The following ZFHX3 variants were observed in gnomAD, a reference collection of about 807,000 sequenced individuals.
The protein encoded by ZFHX3 is zinc finger homeobox protein 3.
ZFHX3 carries 42 observed loss-of-function variants against 279.1 expected under a neutral mutation model. That is an observed-to-expected ratio of 0.15 (90% confidence interval 0.12 to 0.19). The LOEUF (loss-of-function observed/expected upper bound fraction) is 0.19. Ranked by LOEUF, ZFHX3 falls within the 10% of genes least tolerant of loss-of-function variation. The probability of loss-of-function intolerance (pLI) is 1.00; values close to 1 mark genes in which losing one functional copy is unlikely to be tolerated. For synonymous variants in ZFHX3, 2,293 were observed against 1,957.8 expected (o/e 1.17, Z -4.52); for missense variants, 4,981 against 4,754.0 (o/e 1.05, Z -1.40).
At chr16:72,873,814 G>A (rs375459530) in intron 4 of ZFHX3, among the ~76,000 whole-genome samples, 3 of 152,128 alleles carry the variant, frequency 2.0e-5, no homozygotes, top group East Asian at 3.8e-4. Flanking sequence ...AGTCTACGGA[G>A]CTTGCTTCCA....
chr16:73,578,360 C>T (rs1252592142), intron 2 of ZFHX3, among the ~76,000 whole-genome samples: 1 of 147,260 alleles, frequency 6.8e-6, no homozygotes, highest in African/African-American at 2.5e-5. Flanking sequence ...AGGGCTTTTG[C>T]TCAAGTTTCG....
At chr16:73,743,141 T>C (rs564421958) in intron 1 of ZFHX3, among the ~76,000 whole-genome samples, 95 of 152,354 alleles carry the variant, frequency 6.2e-4, no homozygotes, top group African/African-American at 2.2e-3. Flanking sequence ...CAAATTGAAC[T>C]ACAACTTGCT....
chr16:73,181,352 A>C (rs530045230), intron 5 of ZFHX3, among the ~76,000 whole-genome samples: 1 of 152,154 alleles, frequency 6.6e-6, no homozygotes, highest in East Asian at 1.9e-4. Flanking sequence ...AGCCTCCAAA[A>C]GTACTGGGAT....
chr16:73,018,960 G>A (rs918030247), intron 1 of ZFHX3, among the ~76,000 whole-genome samples: 11 of 151,964 alleles, frequency 7.2e-5, no homozygotes, highest in African/African-American at 2.7e-4. Context: ...CGCTTCTAAG[G>A]ACACACACCT....
At chr16:73,603,218 G>C (rs549906907) in intron 2 of ZFHX3, among the ~76,000 whole-genome samples, 1 of 150,830 alleles carries the variant, frequency 6.6e-6, no homozygotes, top group Non-Finnish European at 1.5e-5. Flanking sequence ...CCAGGAGGTG[G>C]AGCTTGCAGT....
intron 3 of ZFHX3, among the ~76,000 whole-genome samples, chr16:72,899,904 C>T (rs1476530569): frequency 6.6e-6 from 1 of 152,114 alleles, no homozygotes; most frequent in Non-Finnish European, 1.5e-5. Flanking sequence ...ATCTACTGAA[C>T]ATACCTATTT....
intron 3 of ZFHX3, among the ~76,000 whole-genome samples, chr16:72,915,278 C>T (rs1360994156): frequency 1.3e-5 from 2 of 152,174 alleles, no homozygotes; most frequent in Non-Finnish European, 2.9e-5. Flanking sequence ...TAAAGAATCA[C>T]ACCATACAAA....
At chr16:72,921,145 G>A (rs916375216) in intron 3 of ZFHX3, among the ~76,000 whole-genome samples, 1 of 149,620 alleles carries the variant, frequency 6.7e-6, no homozygotes, top group African/African-American at 2.5e-5. Flanking sequence ...AGAACATCTA[G>A]GCATTCATTC....
intron 3 of ZFHX3, among the ~76,000 whole-genome samples, chr16:73,404,990 C>T (rs542839527): frequency 5.9e-5 from 9 of 152,274 alleles, no homozygotes; most frequent in East Asian, 5.8e-4. Context: ...CCATTTGCAA[C>T]GGTCCAAGGT....
chr16:73,795,626 T>C (rs556521936), intron 1 of ZFHX3, among the ~76,000 whole-genome samples: 9 of 152,284 alleles, frequency 5.9e-5, no homozygotes, highest in African/African-American at 2.2e-4. Flanking sequence ...ACATGACAGG[T>C]GTCCTACAGA....
intron 1 of ZFHX3, among the ~76,000 whole-genome samples, chr16:73,822,516 C>CTT (rs528330090): frequency 4.1e-5 from 6 of 146,702 alleles, no homozygotes; most frequent in South Asian, 2.2e-4. Flanking sequence ...GCTGCTTTTG[C>CTT]TTTTTTTTTT....
rs1004406490 is a variant in ZFHX3, at chr16:72,889,853, G to C, written c.3326C>G (p.Ser1109Cys). ...GCTCTCGCTTCGCTGGTGCTTCATG[G>C]AGCGCACATGCTGGATGAGGTTGAG... ...AKLNLIQHVR[S>C]MKHQRSESLR... Residue 1109 changes from serine (S) to cysteine (C), a missense_variant, in exon 4 of 10, where the codon TCC (serine) becomes TGC (cysteine). This residue lies in a region of ZFHX3 where 1,751 missense variants were observed against 1,770.0 expected (regional missense o/e 0.99). Transcript: ENST00000268489. 1 of 1,614,172 alleles carries C rather than the reference G, an allele frequency of 6.2e-7. No homozygotes were observed. Among genetic ancestry groups the C allele is most frequent in the Admixed American group, 1.7e-5 (1 of 60,032 alleles).
intron 3 of ZFHX3, among the ~76,000 whole-genome samples, chr16:72,939,581 A>G (rs1364364759): frequency 6.6e-6 from 1 of 152,124 alleles, no homozygotes; most frequent in Admixed American, 6.5e-5. Context: ...TATCATTCTC[A>G]TTGTCCCGAA....
chr16:73,417,776 T>C (rs1471586047), intron 3 of ZFHX3, among the ~76,000 whole-genome samples: 2 of 150,978 alleles, frequency 1.3e-5, no homozygotes, highest in Non-Finnish European at 2.9e-5. Context: ...ATCGAGACCA[T>C]CCTGGCTAAC....
intron 1 of ZFHX3, among the ~76,000 whole-genome samples, chr16:73,822,778 A>C (rs1024441112): frequency 1.3e-5 from 2 of 152,254 alleles, no homozygotes; most frequent in African/African-American, 2.4e-5. Context: ...AAGAAGCCCC[A>C]GCTGGAAGTC....
intron 3 of ZFHX3, among the ~76,000 whole-genome samples, chr16:72,928,006 A>G (rs1959553280): frequency 6.8e-6 from 1 of 146,604 alleles, no homozygotes; most frequent in African/African-American, 2.5e-5. Flanking sequence ...GATGCGCCAG[A>G]GGCCTCCAGG....
intron 3 of ZFHX3, among the ~76,000 whole-genome samples, chr16:72,916,088 TAAG>T (rs960235929): frequency 3.9e-5 from 6 of 152,284 alleles, no homozygotes; most frequent in African/African-American, 1.4e-4. Context: ...CTAAAATAAT[TAAG>T]AAGATGTTTG....
chr16:73,586,418 AAAC>A (rs2051927230), intron 2 of ZFHX3, among the ~76,000 whole-genome samples: 3 of 151,092 alleles, frequency 2.0e-5, no homozygotes, highest in Non-Finnish European at 2.9e-5. Context: ...ACAAACAAAC[AAAC>A]AAACAAAAAA....
intron 4 of ZFHX3, among the ~76,000 whole-genome samples, chr16:72,851,700 C>A (rs2037621499): frequency 6.6e-6 from 1 of 151,886 alleles, no homozygotes; most frequent in Non-Finnish European, 1.5e-5. Flanking sequence ...GATTACAGGC[C>A]CCTACCACCA....
Sources: gnomAD v4.1 joint callset for allele counts (sites outside exome capture counted in the v4.1 genomes callset) on GRCh38, gnomAD v4.1.1 for gene constraint, gnomAD v4.1.1 regional missense constraint, MANE v1.5 for transcripts, NCBI Gene and HGNC (gene_info 2026-07-23, HGNC 2026-07-21) for gene names.